PLCG2: variants seen among roughly 807,000 people sequenced by gnomAD.
PLCG2 encodes the protein phospholipase C gamma 2, also known as 1-phosphatidylinositol 4,5-bisphosphate phosphodiesterase gamma-2.
Under a neutral mutation model 175.6 loss-of-function variants are expected in PLCG2, and 69 were observed. The observed-to-expected ratio is 0.39, with a 90% confidence interval of 0.32 to 0.48. The LOEUF is 0.48. Ranked by LOEUF, PLCG2 falls within the 20% of genes least tolerant of loss-of-function variation. The probability of loss-of-function intolerance (pLI) is 0.91; values close to 1 mark genes in which losing one functional copy is unlikely to be tolerated. For synonymous variants in PLCG2, 827 were observed against 624.0 expected (o/e 1.33, Z -4.85); for missense variants, 1,798 against 1,650.9 (o/e 1.09, Z -1.54).
chr16:81,759,185 C>G (rs1463012530), intron 2 of PLCG2, among the ~76,000 whole-genome samples: 1 of 152,130 alleles, frequency 6.6e-6, no homozygotes, highest in African/African-American at 2.4e-5. Context: ...TTTATAGATT[C>G]TAGATACTAG....
intron 1 of PLCG2, among the ~76,000 whole-genome samples, chr16:81,740,017 A>C (rs781034663): frequency 6.6e-6 from 1 of 151,946 alleles, no homozygotes; most frequent in Non-Finnish European, 1.5e-5. Flanking sequence ...CCATGCCTGC[A>C]ATCACAGTTA....
chr16:81,827,414 C>G (rs1215294528), intron 2 of PLCG2, among the ~76,000 whole-genome samples: 1 of 151,994 alleles, frequency 6.6e-6, no homozygotes, highest in African/African-American at 2.4e-5. Flanking sequence ...ATCTCGAACT[C>G]CTAGGCTCAA....
chr16:81,882,073 G>A (rs929374433), intron 8 of PLCG2, among the ~76,000 whole-genome samples: 1 of 152,226 alleles, frequency 6.6e-6, no homozygotes, highest in Admixed American at 6.5e-5. Flanking sequence ...GTTTAGTAAA[G>A]GGAGAAAGCT....
At chr16:81,865,767 C>A (rs1464601637) in intron 5 of PLCG2, among the ~76,000 whole-genome samples, 1 of 148,134 alleles carries the variant, frequency 6.8e-6, no homozygotes, top group African/African-American at 2.5e-5. Flanking sequence ...CGTGAGAGGA[C>A]GCTGGCCTCT....
At chr16:81,848,750 C>T (rs989475855) in intron 2 of PLCG2, among the ~76,000 whole-genome samples, 1 of 152,240 alleles carries the variant, frequency 6.6e-6, no homozygotes, top group African/African-American at 2.4e-5. Flanking sequence ...GGGTGGAGCT[C>T]AGTGGTGAAG....
At chr16:81,888,910 A>C (rs1908500455) in intron 9 of PLCG2, among the ~76,000 whole-genome samples, 2 of 152,186 alleles carry the variant, frequency 1.3e-5, no homozygotes, top group African/African-American at 4.8e-5. Context: ...GCAACACAAC[A>C]GCGGAGTTGA....
At chr16:81,844,446 C>G (rs1170133912) in intron 2 of PLCG2, among the ~76,000 whole-genome samples, 2 of 152,158 alleles carry the variant, frequency 1.3e-5, no homozygotes, top group African/African-American at 2.4e-5. Context: ...CTCAGACTTC[C>G]TAGTAACTGC....
chr16:81,893,053 A>G (rs1908713103), intron 11 of PLCG2, among the ~76,000 whole-genome samples: 1 of 151,962 alleles, frequency 6.6e-6, no homozygotes, highest in Admixed American at 6.6e-5. Context: ...TAGAGACAGA[A>G]TTTCACTATG....
intron 31 of PLCG2, among the ~76,000 whole-genome samples, chr16:81,954,015 G>A (rs1023791675): frequency 1.3e-5 from 2 of 152,100 alleles, no homozygotes; most frequent in African/African-American, 2.4e-5. Flanking sequence ...AGACTTAAAT[G>A]GGGTTTTCAT....
At chr16:81,869,331 G>A in intron 6 of PLCG2, 33 bp downstream of exon 6, 1 of 1,460,262 alleles carries the variant, frequency 6.8e-7, no homozygotes, top group Non-Finnish European at 9.6e-7. Context: ...GGAATTTTAT[G>A]AATGCGGAGT....
chr16:81,874,800 G>C (rs1218019327), intron 7 of PLCG2, among the ~76,000 whole-genome samples: 1 of 152,158 alleles, frequency 6.6e-6, no homozygotes, highest in Non-Finnish European at 1.5e-5. Flanking sequence ...AAGTTTGGCA[G>C]CAGCAGGAGG....
intron 2 of PLCG2, among the ~76,000 whole-genome samples, chr16:81,805,783 G>GTTTTTTTTTTTTTT (rs35014411): frequency 3.0e-4 from 25 of 82,912 alleles, no homozygotes; most frequent in Non-Finnish European, 3.7e-4. Flanking sequence ...TTTTTTTTTT[G>GTTTTTTTTTTTTTT]TTTTTTTTTT....
At chr16:81,951,102 G>A (rs1911347793) in intron 31 of PLCG2, among the ~76,000 whole-genome samples, 1 of 152,146 alleles carries the variant, frequency 6.6e-6, no homozygotes. Flanking sequence ...ATCTTCCTGA[G>A]TAGCTGGGAC....
At chr16:81,768,730 A>C (rs1910209328) in intron 2 of PLCG2, among the ~76,000 whole-genome samples, 1 of 151,442 alleles carries the variant, frequency 6.6e-6, no homozygotes, top group African/African-American at 2.4e-5. Flanking sequence ...CATACCTGGG[A>C]AATTTTTTGT....
chr16:81,760,468 T>C (rs1045650225), intron 2 of PLCG2, among the ~76,000 whole-genome samples: 1 of 152,184 alleles, frequency 6.6e-6, no homozygotes, highest in African/African-American at 2.4e-5. Context: ...GGGGCAGAGC[T>C]GAGCGTCCCT....
chr16:81,821,151 C>G (rs1177466019), intron 2 of PLCG2, among the ~76,000 whole-genome samples: 8 of 152,236 alleles, frequency 5.3e-5, no homozygotes, highest in Non-Finnish European at 7.3e-5. Flanking sequence ...CTCGGCCTCC[C>G]AAAGTGCTGG....
intron 2 of PLCG2, among the ~76,000 whole-genome samples, chr16:81,830,973 C>G (rs1343473448): frequency 6.6e-6 from 1 of 152,120 alleles, no homozygotes; most frequent in African/African-American, 2.4e-5. Flanking sequence ...GACAACCTTG[C>G]TCTTCCTACA....
chr16:81,864,467 G>A (rs1193156410), intron 5 of PLCG2, among the ~76,000 whole-genome samples: 1 of 152,218 alleles, frequency 6.6e-6, no homozygotes, highest in African/African-American at 2.4e-5. Flanking sequence ...TGAAAGTTCT[G>A]TCAGATGGTG....
At chr16:81,871,284 T>C (rs1033146692) in intron 7 of PLCG2, among the ~76,000 whole-genome samples, 8 of 152,252 alleles carry the variant, frequency 5.3e-5, no homozygotes, top group Non-Finnish European at 7.3e-5. Flanking sequence ...ATGGCTGTTA[T>C]TATTAATAGC....
Sources: allele counts gnomAD v4.1 joint callset (sites outside exome capture counted in the v4.1 genomes callset), GRCh38; gene constraint gnomAD v4.1.1; transcripts MANE v1.5; gene names NCBI Gene and HGNC (gene_info 2026-07-23, HGNC 2026-07-21).